The following SANBR variants were observed in gnomAD, a reference collection of about 807,000 sequenced individuals.
SANBR encodes the protein SANT and BTB domain regulator of CSR.
SANBR carries 77 observed loss-of-function variants against 101.8 expected under a neutral mutation model. The observed-to-expected ratio is 0.76, with a 90% CI of 0.63 to 0.91. The LOEUF is 0.91. Among genes scored for constraint, SANBR ranks in the 40% least tolerant of loss-of-function variants. The pLI, the probability that SANBR is intolerant of heterozygous loss-of-function variation, is 0.00. For synonymous variants in SANBR, 279 were observed against 274.7 expected, an observed-to-expected ratio of 1.02 and a Z score of -0.15; for missense variants, 875 against 853.0, an observed-to-expected ratio of 1.03 and a Z score of -0.32.
chr2:61,116,179 A>T, intron 17 of SANBR, 109 bp downstream of exon 17: 1 of 726,472 alleles, frequency 1.4e-6, no homozygotes, highest in South Asian at 1.9e-5. Flanking sequence ...CTAGCAATGT[A>T]AAAATGAAGT....
At chr2:61,066,276 C>G (rs1262023607) in intron 1 of SANBR, 1 of 152,622 alleles carries the variant, frequency 6.6e-6, no homozygotes, top group East Asian at 1.9e-4. Context: ...CGCACAGCGG[C>G]GGGAACCCCA....
intron 3 of SANBR, among the ~76,000 whole-genome samples, chr2:61,071,103 TATAAAA>T (rs1311610272): frequency 6.6e-6 from 1 of 152,152 alleles, no homozygotes; most frequent in Admixed American, 6.6e-5. Context: ...AATTTTAAAA[TATAAAA>T]ATAGAAGTTA....
chr2:61,078,450 C>T (rs910058605), intron 6 of SANBR, among the ~76,000 whole-genome samples: 7 of 151,820 alleles, frequency 4.6e-5, no homozygotes, highest in Non-Finnish European at 8.8e-5. Flanking sequence ...GAGACAGAGT[C>T]CTCTCTTGTC....
intron 12 of SANBR, among the ~76,000 whole-genome samples, chr2:61,101,558 G>A (rs1359853680): frequency 1.3e-5 from 2 of 150,858 alleles, no homozygotes; most frequent in Non-Finnish European, 3.0e-5. Flanking sequence ...ACGCTGAAAC[G>A]CCTTCTCTAC....
Position 61,124,202 on chromosome 2 carries a change from C to T in SANBR, c.*2040C>T, listed in dbSNP as rs1255404815. The T allele has an allele frequency of 4.1e-6, 4 of 977,940 alleles. No homozygotes were observed. The highest frequency in any genetic ancestry group is 1.7e-5 in the African/African-American group (1 of 57,168). The allele number at this position is 977,940 out of a possible 1,614,324, so 60.6% of individuals were successfully genotyped here. ...CTTAAACTCTTAATAGCATTTCTTT[C>T]GCCAGATACTTTAATATTTCACCTT... is the stretch of plus-strand genomic sequence containing the variant. On this transcript the variant is annotated 3_prime_UTR_variant, in exon 22 of 22. Coordinates refer to ENST00000402291, the MANE Select transcript of SANBR (RefSeq NM_001129993.3).
At chr2:61,130,014 A>T (rs187193831) in intron 20 of SANBR, among the ~76,000 whole-genome samples, 12 of 152,088 alleles carry the variant, frequency 7.9e-5, no homozygotes, top group Non-Finnish European at 1.5e-5. Context: ...ATATTTCTAT[A>T]TCTCTTTGGA....
intron 12 of SANBR, 75 bp from the exon 13 acceptor site, chr2:61,103,778 A>G: frequency 7.2e-7 from 1 of 1,395,752 alleles, no homozygotes; most frequent in Non-Finnish European, 9.9e-7. Flanking sequence ...CTTGGCAAAG[A>G]AAAGAAAAAC....
chr2:61,089,036 A>G (rs897584130), intron 10 of SANBR: 45 of 958,988 alleles, frequency 4.7e-5, no homozygotes, highest in Non-Finnish European at 5.2e-5. Context: ...CTTGAAAGGT[A>G]TTCTGGTTAG....
At chr2:61,102,684 G>A (rs1164229753) in intron 12 of SANBR, among the ~76,000 whole-genome samples, 1 of 151,766 alleles carries the variant, frequency 6.6e-6, no homozygotes, top group African/African-American at 2.4e-5. Flanking sequence ...TTACAGGTGC[G>A]TGCCACCATG....
intron 12 of SANBR, among the ~76,000 whole-genome samples, chr2:61,103,460 C>G (rs764719009): frequency 1.6e-4 from 25 of 152,244 alleles, no homozygotes; most frequent in Non-Finnish European, 3.2e-4. Flanking sequence ...TCAAACAAAA[C>G]AAGTGAGACT....
chr2:61,070,541 A>G (rs1681407265), intron 3 of SANBR, 41 bp downstream of exon 3: 2 of 1,563,940 alleles, frequency 1.3e-6, no homozygotes, highest in Non-Finnish European at 1.7e-6. Flanking sequence ...GAAAATGTTC[A>G]GAAAAGGTCA....
intron 2 of SANBR, 127 bp from the exon 3 acceptor site, chr2:61,070,215 G>T: frequency 1.7e-6 from 1 of 584,542 alleles, no homozygotes; most frequent in African/African-American, 2.0e-5. Context: ...TTTATTTTAG[G>T]TCAGTTTTAC....
At chr2:61,072,208 G>C (rs1421857155) in intron 4 of SANBR, among the ~76,000 whole-genome samples, 1 of 152,054 alleles carries the variant, frequency 6.6e-6, no homozygotes, top group Non-Finnish European at 1.5e-5. Context: ...CAAAGTGTTG[G>C]GATTACAGAC....
chr2:61,102,624 G>A (rs930484468), intron 12 of SANBR, among the ~76,000 whole-genome samples: 8 of 151,416 alleles, frequency 5.3e-5, no homozygotes, highest in African/African-American at 1.5e-4. Context: ...TGCAACCTCC[G>A]CCTCCTGGGC....
rs1681833710 is a variant in SANBR at position 61,077,154 on chromosome 2, T to C, written c.666T>C (p.Thr222=). 1 of 1,586,102 alleles carries C rather than the reference T, an allele frequency of 6.3e-7. No individual in the cohort carries two copies. The highest frequency in any genetic ancestry group is 1.1e-5 in the South Asian group (1 of 89,598). Residue 222 remains threonine (T), a synonymous_variant, in exon 6 of 22, where the codon ACT becomes ACC. Transcript: ENST00000402291. ...AGAATAAAGATTGTGAGATGCCCAC[T>C]TTAGGTAAAAAACAATCTGTTGCTT... is the stretch of plus-strand genomic sequence containing the variant. The part of the protein sequence containing the change: ...TKENKDCEMP[T]LEPGNVISIL...
chr2:61,112,144 G>A (rs753484431), intron 16 of SANBR, among the ~76,000 whole-genome samples: 3 of 152,154 alleles, frequency 2.0e-5, no homozygotes, highest in Non-Finnish European at 4.4e-5. Context: ...CAAAGTGGCC[G>A]TTTTGCATCT....
chr2:61,091,644 C>G (rs1682767660), intron 10 of SANBR, among the ~76,000 whole-genome samples: 2 of 151,602 alleles, frequency 1.3e-5, no homozygotes, highest in Admixed American at 1.3e-4. Flanking sequence ...ACCTGTAATC[C>G]CAGGTACTCA....
At chr2:61,102,935 A>G (rs983752394) in intron 12 of SANBR, among the ~76,000 whole-genome samples, 11 of 152,148 alleles carry the variant, frequency 7.2e-5, no homozygotes, top group Non-Finnish European at 1.6e-4. Flanking sequence ...TTTGGTACAC[A>G]TGAGCACTTG....
chr2:61,120,224 C>A (rs190459149), intron 20 of SANBR, among the ~76,000 whole-genome samples: 2 of 152,088 alleles, frequency 1.3e-5, no homozygotes, highest in African/African-American at 2.4e-5. Context: ...AACATTGGAC[C>A]GGGTGCAGTG....
Sources: gnomAD v4.1 joint callset for allele counts (sites outside exome capture counted in the v4.1 genomes callset) on GRCh38, gnomAD v4.1.1 for gene constraint, MANE v1.5 for transcripts, NCBI Gene and HGNC (gene_info 2026-07-23, HGNC 2026-07-21) for gene names.